The following AGBL1 variants were observed in gnomAD, a reference collection of about 807,000 sequenced individuals.
AGBL1 encodes the protein cytosolic carboxypeptidase 4.
Under a neutral mutation model 118.9 loss-of-function variants are expected in AGBL1, and 130 were observed. The ratio of observed to expected loss-of-function variants is 1.09; its 90% CI spans 0.95 to 1.26. The LOEUF (loss-of-function observed/expected upper bound fraction) is 1.26, where lower values mean the gene tolerates loss of function less well. Ranked by LOEUF, AGBL1 falls within the 50% of genes most tolerant of loss-of-function variation. The probability of loss-of-function intolerance (pLI) is 0.00; values close to 1 mark genes in which losing one functional copy is unlikely to be tolerated. For synonymous variants in AGBL1, 555 were observed against 478.9 expected, an observed-to-expected ratio of 1.16 and a Z score of -2.08; for missense variants, 1,584 against 1,298.1, an observed-to-expected ratio of 1.22 and a Z score of -3.38.
At chr15:86,717,239 A>G (rs1448888959) in intron 22 of AGBL1, among the ~76,000 whole-genome samples, 1 of 152,258 alleles carries the variant, frequency 6.6e-6, no homozygotes, top group Non-Finnish European at 1.5e-5. Context: ...GTAGCACTTC[A>G]TAATGAAAAG....
At chr15:86,735,602 C>CTGTGTGTGTGTGTGTG (rs35147328) in intron 22 of AGBL1, among the ~76,000 whole-genome samples, 1 of 141,916 alleles carries the variant, frequency 7.0e-6, no homozygotes, top group African/African-American at 2.7e-5. Context: ...GAGATACAGA[C>CTGTGTGTGTGTGTGTG]TGTGTGTGTG....
intron 21 of AGBL1, among the ~76,000 whole-genome samples, chr15:86,651,746 A>G (rs2085374763): frequency 6.6e-6 from 1 of 152,120 alleles, no homozygotes; most frequent in South Asian, 2.1e-4. Flanking sequence ...CTGAGTGTTG[A>G]TATCTTACTA....
At chr15:86,841,120 A>G (rs1056133239) in intron 22 of AGBL1, among the ~76,000 whole-genome samples, 1 of 152,260 alleles carries the variant, frequency 6.6e-6, no homozygotes. Context: ...GATGAATGAC[A>G]GTATTTTTCC....
In AGBL1 at chr15:86,528,158, G is replaced by A. The variant is rs974571246; in HGVS notation, c.2685+5219G>A. ...GTCTACAGCTCCCAGCGTGAGCGAC[G>A]CAGAAGACGGGTGATTTCTGCATTT... On this transcript the variant is annotated intron_variant, in intron 19 of 22. Transcript: ENST00000614907. Among the ~76,000 whole-genome samples the A allele has an allele frequency of 3.3e-5, 5 of 152,218 alleles. No homozygotes were observed. The East Asian group carries it at 7.7e-4, about 23-fold the overall frequency.
At chr15:86,538,677 C>A (rs562679723) in intron 19 of AGBL1, among the ~76,000 whole-genome samples, 1 of 152,306 alleles carries the variant, frequency 6.6e-6, no homozygotes, top group East Asian at 1.9e-4. Flanking sequence ...CCTTCATTTT[C>A]CTGTGACAAT....
chr15:86,578,517 T>C (rs1213241800), intron 21 of AGBL1, among the ~76,000 whole-genome samples: 2 of 152,082 alleles, frequency 1.3e-5, no homozygotes, highest in African/African-American at 4.8e-5. Flanking sequence ...GAAGGCATGA[T>C]TGGTTTTGAA....
At chr15:86,776,894 A>G (rs1021836695) in intron 22 of AGBL1, among the ~76,000 whole-genome samples, 6 of 151,798 alleles carry the variant, frequency 4.0e-5, no homozygotes, top group African/African-American at 1.5e-4. Context: ...GTTTTACTTA[A>G]TATGTGTTAA....
At chr15:86,458,569 C>G (rs1196316831) in intron 18 of AGBL1, among the ~76,000 whole-genome samples, 1 of 152,154 alleles carries the variant, frequency 6.6e-6, no homozygotes, top group Non-Finnish European at 1.5e-5. Flanking sequence ...ACACTAACAC[C>G]ATTTGTCACT....
intron 22 of AGBL1, among the ~76,000 whole-genome samples, chr15:86,839,748 T>C (rs2079219367): frequency 6.6e-6 from 1 of 152,148 alleles, no homozygotes; most frequent in Non-Finnish European, 1.5e-5. Context: ...ATAGGATAGA[T>C]AGGTGAAAAG....
chr15:86,355,645 T>C (rs1049203563), intron 17 of AGBL1, among the ~76,000 whole-genome samples: 8 of 152,292 alleles, frequency 5.3e-5, no homozygotes, highest in African/African-American at 1.7e-4. Flanking sequence ...CATGCAGATA[T>C]ATAGTTGCCA....
chr15:87,029,223 G>T (rs1381300697), downstream of AGBL1, among the ~76,000 whole-genome samples: 2 of 151,796 alleles, frequency 1.3e-5, no homozygotes, highest in Admixed American at 1.3e-4. Flanking sequence ...TTGAAATAGT[G>T]CCTCTTTTTT....
intron 22 of AGBL1, among the ~76,000 whole-genome samples, chr15:86,767,636 C>G (rs1007351015): frequency 2.0e-5 from 3 of 151,934 alleles, no homozygotes; most frequent in Admixed American, 6.6e-5. Context: ...TCTTTCAACA[C>G]TTTCCCATGG....
intron 3 of AGBL1, among the ~76,000 whole-genome samples, chr15:86,152,853 A>G (rs1044377863): frequency 6.6e-6 from 1 of 152,254 alleles, no homozygotes; most frequent in Non-Finnish European, 1.5e-5. Flanking sequence ...GGCAAAGGAT[A>G]TGAACAGACA....
At chr15:87,031,413 A>G (rs1356330815), downstream of AGBL1, among the ~76,000 whole-genome samples, 1 of 151,928 alleles carries the variant, frequency 6.6e-6, no homozygotes, top group Non-Finnish European at 1.5e-5. Flanking sequence ...TTAAGATAAC[A>G]CAGACCAGCC....
chr15:86,329,256 C>T (rs558917983), intron 17 of AGBL1, among the ~76,000 whole-genome samples: 1 of 152,156 alleles, frequency 6.6e-6, no homozygotes, highest in South Asian at 2.1e-4. Flanking sequence ...ATTCAGGGCA[C>T]CCACTTGCCT....
intron 22 of AGBL1, among the ~76,000 whole-genome samples, chr15:86,812,972 A>C (rs2078811705): frequency 1.3e-5 from 2 of 152,038 alleles, no homozygotes; most frequent in African/African-American, 4.8e-5. Flanking sequence ...AAAAGGCTTT[A>C]CAGGTGAGGA....
At chr15:86,990,926 G>C (rs1391621224) in intron 24 of AGBL1, among the ~76,000 whole-genome samples, 2 of 152,012 alleles carry the variant, frequency 1.3e-5, no homozygotes, top group Non-Finnish European at 2.9e-5. Context: ...ATGATTCTAG[G>C]GTATGTTTCT....
intron 19 of AGBL1, among the ~76,000 whole-genome samples, chr15:86,527,461 G>A (rs1188250719): frequency 6.6e-6 from 1 of 152,190 alleles, no homozygotes. Context: ...AGCACTAAAT[G>A]CTGTTCACAG....
chr15:86,718,838 G>A (rs1326560330), intron 22 of AGBL1, among the ~76,000 whole-genome samples: 1 of 152,116 alleles, frequency 6.6e-6, no homozygotes, highest in Non-Finnish European at 1.5e-5. Flanking sequence ...TCTTTTTGGG[G>A]AACAAGAGAA....
Sources: gnomAD v4.1 joint callset for allele counts (sites outside exome capture counted in the v4.1 genomes callset) on GRCh38, gnomAD v4.1.1 for gene constraint, MANE v1.5 for transcripts, NCBI Gene and HGNC (gene_info 2026-07-23, HGNC 2026-07-21) for gene names.